The following FSHR variants were observed in gnomAD, a reference collection of about 807,000 sequenced individuals.
FSHR encodes the protein follicle stimulating hormone receptor.
FSHR carries 46 observed loss-of-function variants against 52.1 expected under a neutral mutation model. That is an observed-to-expected ratio of 0.88 (90% CI 0.70 to 1.13). The LOEUF (loss-of-function observed/expected upper bound fraction) is 1.13. Ranked by LOEUF, FSHR falls within the 50% of genes most tolerant of loss-of-function variation. The pLI is 0.00. For missense variants in FSHR, 964 were observed against 834.6 expected, an observed-to-expected ratio of 1.16 and a Z score of -1.91; for synonymous variants, 399 against 309.6, an observed-to-expected ratio of 1.29 and a Z score of -3.03.
At chr2:49,140,792 T>C (rs1338948373) in intron 1 of FSHR, among the ~76,000 whole-genome samples, 1 of 150,492 alleles carries the variant, frequency 6.6e-6, no homozygotes, top group Non-Finnish European at 1.5e-5. Context: ...AGATCAATAA[T>C]TTTTTTTTCC....
At chr2:49,018,145 C>A (rs973353827) in intron 3 of FSHR, among the ~76,000 whole-genome samples, 4 of 152,222 alleles carry the variant, frequency 2.6e-5, no homozygotes, top group African/African-American at 9.6e-5. Flanking sequence ...TGCTTTTAAG[C>A]ATGAAATCCA....
At chr2:49,002,834 T>C (rs533438116) in intron 4 of FSHR, among the ~76,000 whole-genome samples, 14 of 152,254 alleles carry the variant, frequency 9.2e-5, no homozygotes, top group African/African-American at 3.4e-4. Flanking sequence ...CCTGGGTCTT[T>C]GGATCTCCTG....
At chr2:48,980,229 A>G (rs377064737) in intron 8 of FSHR, among the ~76,000 whole-genome samples, 12 of 152,184 alleles carry the variant, frequency 7.9e-5, no homozygotes, top group African/African-American at 2.9e-4. Context: ...TGAGATGGAA[A>G]TATGTGGGAA....
chr2:49,152,007 A>G (rs1673080340), intron 1 of FSHR, among the ~76,000 whole-genome samples: 1 of 152,124 alleles, frequency 6.6e-6, no homozygotes, highest in Non-Finnish European at 1.5e-5. Context: ...TTCCAAGAAG[A>G]TTGCAAAGCC....
intron 1 of FSHR, among the ~76,000 whole-genome samples, chr2:49,144,944 G>A (rs939742507): frequency 2.6e-5 from 4 of 152,046 alleles, no homozygotes; most frequent in Non-Finnish European, 5.9e-5. Context: ...CCTTATTACT[G>A]TCCCCCTCAT....
At chr2:49,126,928 G>A (rs754252759) in intron 1 of FSHR, among the ~76,000 whole-genome samples, 4 of 152,212 alleles carry the variant, frequency 2.6e-5, no homozygotes, top group African/African-American at 7.2e-5. Flanking sequence ...GACAGAAAGA[G>A]TATTCACTTC....
At chr2:48,991,465 T>C (rs1675775729) in intron 4 of FSHR, among the ~76,000 whole-genome samples, 1 of 152,100 alleles carries the variant, frequency 6.6e-6, no homozygotes, top group Admixed American at 6.5e-5. Flanking sequence ...GGGGGAAGGA[T>C]GTGTCTGTAG....
chr2:48,970,885 G>T (rs899476578), intron 8 of FSHR, among the ~76,000 whole-genome samples: 1 of 152,118 alleles, frequency 6.6e-6, no homozygotes, highest in African/African-American at 2.4e-5. Context: ...TCAGTGTCTT[G>T]TTCTCTCAAG....
intron 2 of FSHR, among the ~76,000 whole-genome samples, chr2:49,022,916 T>A (rs548343161): frequency 1.3e-5 from 2 of 152,318 alleles, no homozygotes; most frequent in African/African-American, 4.8e-5. Context: ...CTAGAGATCT[T>A]TTTAGAATGC....
intron 1 of FSHR, among the ~76,000 whole-genome samples, chr2:49,084,119 G>A (rs1354628402): frequency 2.0e-5 from 3 of 152,018 alleles, no homozygotes; most frequent in African/African-American, 4.8e-5. Context: ...AGCAAATGTA[G>A]AAGAACAGAA....
intron 1 of FSHR, among the ~76,000 whole-genome samples, chr2:49,092,048 C>A (rs1670631971): frequency 6.6e-6 from 1 of 152,152 alleles, no homozygotes; most frequent in African/African-American, 2.4e-5. Context: ...TGATTTCTTT[C>A]ATCAGCATTT....
chr2:49,011,670 C>T (rs1667279026), intron 4 of FSHR, among the ~76,000 whole-genome samples: 1 of 151,950 alleles, frequency 6.6e-6, no homozygotes, highest in African/African-American at 2.4e-5. Context: ...GTTAAGGTTC[C>T]TACTTTTCAG....
chr2:49,079,791 A>G (rs1670098746), intron 1 of FSHR, among the ~76,000 whole-genome samples: 2 of 152,166 alleles, frequency 1.3e-5, no homozygotes. Flanking sequence ...ACTTTTAAAT[A>G]AAATGTCTGT....
At chr2:49,115,304 C>T (rs751942679) in intron 1 of FSHR, among the ~76,000 whole-genome samples, 3 of 151,912 alleles carry the variant, frequency 2.0e-5, no homozygotes, top group Admixed American at 6.6e-5. Context: ...TGAAACATGT[C>T]CTTGTGATGC....
Position 49,055,132 on chromosome 2 carries a change from C to G in FSHR, c.224+13087G>C, listed in dbSNP as rs552588130. On this transcript the variant is annotated intron_variant, in intron 2 of 9. Coordinates refer to ENST00000406846, the MANE Select transcript of FSHR (RefSeq NM_000145.4). ...AGAGAATACAGATAGACAATTTAAT[C>G]AAATCAGGAAAACAACTCATAACTT... 4.0e-5 allele frequency among the ~76,000 whole-genome samples: 6 copies of G among 151,780 alleles called. No individual in the cohort carries two copies. The South Asian group carries it at 1.2e-3, about 32-fold the overall frequency.
At chr2:49,127,836 T>TTCA (rs1558456723) in intron 1 of FSHR, among the ~76,000 whole-genome samples, 1 of 11,768 alleles carries the variant, frequency 8.5e-5, no homozygotes, top group African/African-American at 3.9e-4. Flanking sequence ...CTTCCTCTTC[T>TTCA]TCTTCTTCTT....
rs555766014 is a variant in FSHR, at chr2:49,032,400, A to G, written c.225-12240T>C. 3.9e-5 allele frequency among the ~76,000 whole-genome samples: 6 copies of G among 152,318 alleles called. No individual in the cohort carries two copies. In the East Asian group the frequency reaches 1.2e-3, roughly 29 times the overall value. On this transcript the variant is annotated intron_variant, in intron 2 of 9. Coordinates refer to ENST00000406846, the MANE Select transcript of FSHR (RefSeq NM_000145.4). ...TCTCAATTTTTATTTAGTTGGAGGG[A>G]GCAAGAATTAACAATACTGTAGTAT...
intron 1 of FSHR, among the ~76,000 whole-genome samples, chr2:49,101,093 G>A (rs1671010390): frequency 6.6e-6 from 1 of 152,142 alleles, no homozygotes; most frequent in African/African-American, 2.4e-5. Flanking sequence ...AAAAATTTCT[G>A]TGCATTGTTG....
At chr2:48,981,623 C>T (rs532820034) in intron 8 of FSHR, among the ~76,000 whole-genome samples, 1 of 152,260 alleles carries the variant, frequency 6.6e-6, no homozygotes, top group East Asian at 1.9e-4. Context: ...ATAAATCTAC[C>T]TTGAAGTGTA....
Sources: gnomAD v4.1 joint callset for allele counts (sites outside exome capture counted in the v4.1 genomes callset) on GRCh38, gnomAD v4.1.1 for gene constraint, MANE v1.5 for transcripts, NCBI Gene and HGNC (gene_info 2026-07-23, HGNC 2026-07-21) for gene names.